Variants in LRRC4C observed in about 807,000 individuals in gnomAD.
LRRC4C encodes the protein leucine rich repeat containing 4C.
In LRRC4C, 5 loss-of-function variants were observed where a neutral mutation model predicts 33.6. The observed-to-expected ratio is 0.15, with a 90% confidence interval of 0.08 to 0.31. LRRC4C has a LOEUF of 0.31. Among genes scored for constraint, LRRC4C ranks in the 10% least tolerant of loss-of-function variants. The pLI, the probability that LRRC4C is intolerant of heterozygous loss-of-function variation, is 1.00. For missense variants in LRRC4C, 560 were observed against 796.7 expected (o/e 0.70, Z 3.58); for synonymous variants, 329 against 302.0 (o/e 1.09, Z -0.93).
At chr11:40,615,238 TTATATA>T (rs756021420) in intron 3 of LRRC4C, among the ~76,000 whole-genome samples, 23 of 88,148 alleles carry the variant, frequency 2.6e-4, no homozygotes, top group African/African-American at 4.7e-4. Flanking sequence ...TTGATTTATT[TTATATA>T]TATATATATA....
intron 1 of LRRC4C, among the ~76,000 whole-genome samples, chr11:41,057,392 C>A (rs530555919): frequency 6.6e-6 from 1 of 152,294 alleles, no homozygotes; most frequent in African/African-American, 2.4e-5. Flanking sequence ...CCTGCAGATA[C>A]CTCTCGACAC....
At chr11:40,701,874 G>A (rs1945877765) in intron 2 of LRRC4C, among the ~76,000 whole-genome samples, 1 of 151,672 alleles carries the variant, frequency 6.6e-6, no homozygotes, top group Admixed American at 6.6e-5. Flanking sequence ...TATCTCTTCT[G>A]GAAAATGTGC....
chr11:40,936,287 C>T (rs1219547130), intron 1 of LRRC4C, among the ~76,000 whole-genome samples: 3 of 148,168 alleles, frequency 2.0e-5, no homozygotes, highest in Non-Finnish European at 4.5e-5. Flanking sequence ...AGAAATATGT[C>T]ATATGCTAAT....
At chr11:41,059,973 C>T (rs900740836) in intron 1 of LRRC4C, among the ~76,000 whole-genome samples, 2 of 151,726 alleles carry the variant, frequency 1.3e-5, no homozygotes, top group African/African-American at 2.4e-5. Flanking sequence ...TGCAATCAGC[C>T]GAGATCACAC....
intron 1 of LRRC4C, among the ~76,000 whole-genome samples, chr11:41,265,737 C>T (rs11036328): frequency 2.6e-5 from 4 of 151,990 alleles, no homozygotes; most frequent in African/African-American, 9.7e-5. Context: ...TCAAGAAACT[C>T]CAACTGAGTT....
chr11:40,881,326 C>T (rs904462431), intron 2 of LRRC4C, among the ~76,000 whole-genome samples: 3 of 152,116 alleles, frequency 2.0e-5, no homozygotes, highest in Non-Finnish European at 4.4e-5. Flanking sequence ...GTGTATCCTA[C>T]ATAAATAAAA....
At chr11:40,752,981 G>A (rs1948769001) in intron 2 of LRRC4C, among the ~76,000 whole-genome samples, 1 of 152,114 alleles carries the variant, frequency 6.6e-6, no homozygotes, top group Admixed American at 6.5e-5. Context: ...AACATGTATA[G>A]AACTGGAGGT....
At chr11:40,345,003 A>T (rs952856657) in intron 3 of LRRC4C, among the ~76,000 whole-genome samples, 2 of 152,176 alleles carry the variant, frequency 1.3e-5, no homozygotes, top group Non-Finnish European at 2.9e-5. Context: ...TAAATTGGAG[A>T]TGATACAAAC....
At chr11:40,379,104 G>T (rs539031732) in intron 3 of LRRC4C, among the ~76,000 whole-genome samples, 1 of 152,058 alleles carries the variant, frequency 6.6e-6, no homozygotes, top group Non-Finnish European at 1.5e-5. Flanking sequence ...AAGAAGAGGA[G>T]ATAAAGTTAT....
At chr11:40,682,277 A>C (rs1944729158) in intron 2 of LRRC4C, among the ~76,000 whole-genome samples, 1 of 151,718 alleles carries the variant, frequency 6.6e-6, no homozygotes, top group Non-Finnish European at 1.5e-5. Context: ...CTTGAAAAAA[A>C]AAAAAAGCAT....
chr11:41,017,927 C>T (rs1855707890), intron 1 of LRRC4C, among the ~76,000 whole-genome samples: 1 of 151,762 alleles, frequency 6.6e-6, no homozygotes, highest in South Asian at 2.1e-4. Context: ...TTTTATTATG[C>T]TGAGGTCTGA....
chr11:40,881,065 A>T (rs1336709775), intron 2 of LRRC4C, among the ~76,000 whole-genome samples: 5 of 151,692 alleles, frequency 3.3e-5, no homozygotes, highest in South Asian at 4.2e-4. Flanking sequence ...TACATAGATT[A>T]AAAAAAATTG....
intron 1 of LRRC4C, among the ~76,000 whole-genome samples, chr11:41,118,567 C>T (rs975960194): frequency 6.6e-6 from 1 of 152,176 alleles, no homozygotes; most frequent in Non-Finnish European, 1.5e-5. Context: ...CTAAATTTCC[C>T]ATTACGATAG....
In LRRC4C at chr11:40,926,502, T is replaced by C. The variant is rs142667317; in HGVS notation, c.-407+7133A>G. Among the ~76,000 whole-genome samples, 6 of 152,324 alleles carry C rather than the reference T, an allele frequency of 3.9e-5. No homozygotes were observed. The East Asian group carries it at 9.6e-4, about 24-fold the overall frequency. On this transcript the variant is annotated intron_variant, in intron 2 of 6. Transcript: ENST00000528697. The stretch of plus-strand genomic sequence containing the variant: ...TACTGAAGCACTCTCTTACAATGCT[T>C]GATAAAAACTTTCTAAATTTGGCAA...
Position 40,382,123 on chromosome 11 carries a change from ATTTTTTTTTTTTTT to A in LRRC4C, c.-269-62416_-269-62403del, listed in dbSNP as rs77934711. Among the ~76,000 whole-genome samples the A allele has an allele frequency of 5.2e-3, 522 of 99,982 alleles. 3 individuals carry two copies. Among genetic ancestry groups the A allele is most frequent in the East Asian group, 0.026 (87 of 3,344 alleles). The allele number at this position is 99,982 out of a possible 152,430, so 65.6% of individuals were successfully genotyped here. A position where few individuals can be genotyped will look rare whatever the true frequency, so the allele number is the denominator to read the frequency against. Reference sequence around the variant, plus strand: ...AGGCGCCCACCACTATGCCCGGCTAATTTTTTTTTTTTTTTTTTTTTTTTTTTTTTTTGTATTTC... The same window carrying A: ...AGGCGCCCACCACTATGCCCGGCTAATTTTTTTTTTTTTTTTTTGTATTTC... On this transcript the variant is annotated intron_variant, in intron 3 of 6. Coordinates refer to ENST00000528697, the MANE Select transcript of LRRC4C (RefSeq NM_001258419.2).
intron 5 of LRRC4C, among the ~76,000 whole-genome samples, chr11:40,228,335 C>G (rs1864959094): frequency 6.6e-6 from 1 of 152,156 alleles, no homozygotes; most frequent in South Asian, 2.1e-4. Flanking sequence ...GTTTCTGTAG[C>G]TTCCAGATTA....
intron 3 of LRRC4C, among the ~76,000 whole-genome samples, chr11:40,479,360 G>A (rs568002304): frequency 2.0e-5 from 3 of 152,096 alleles, no homozygotes; most frequent in Non-Finnish European, 2.9e-5. Context: ...TAGGAAAGTG[G>A]TCCATTTTGA....
intron 2 of LRRC4C, among the ~76,000 whole-genome samples, chr11:40,843,277 C>A (rs1167331085): frequency 6.6e-6 from 1 of 152,102 alleles, no homozygotes; most frequent in Non-Finnish European, 1.5e-5. Context: ...TCCTTTAATA[C>A]CAGCAATTAG....
intron 1 of LRRC4C, among the ~76,000 whole-genome samples, chr11:41,439,225 C>G (rs1195922585): frequency 6.6e-6 from 1 of 152,122 alleles, no homozygotes; most frequent in African/African-American, 2.4e-5. Context: ...TTTCTTATGG[C>G]TGAGTAGTAT....
Sources: gnomAD v4.1 joint callset for allele counts (sites outside exome capture counted in the v4.1 genomes callset) on GRCh38, gnomAD v4.1.1 for gene constraint, MANE v1.5 for transcripts, NCBI Gene and HGNC (gene_info 2026-07-23, HGNC 2026-07-21) for gene names.